TERT: variants seen among roughly 807,000 people sequenced by gnomAD.
The protein encoded by TERT is telomerase catalytic subunit.
TERT carries 42 observed loss-of-function variants against 104.0 expected under a neutral mutation model. The observed-to-expected ratio is 0.40, with a 90% CI of 0.32 to 0.52. The LOEUF (loss-of-function observed/expected upper bound fraction) is 0.52, where lower values mean the gene tolerates loss of function less well. Among genes scored for constraint, TERT ranks in the 20% least tolerant of loss-of-function variants. TERT has a pLI of 0.43. For missense variants in TERT, 1,101 were observed against 1,610.3 expected, an observed-to-expected ratio of 0.68 and a Z score of 5.41; for synonymous variants, 781 against 725.6, an observed-to-expected ratio of 1.08 and a Z score of -1.23.
In TERT at chr5:1,253,821, C is replaced by T; in HGVS notation, c.3306G>A (p.Gln1102=). 6.2e-7 allele frequency: 1 copy of T among 1,609,886 alleles called. No individual in the cohort carries two copies. Among genetic ancestry groups the T allele is most frequent in the African/African-American group, 1.3e-5 (1 of 75,052 alleles). The change falls in exon 16 of 16, where the codon CAG becomes CAA. Residue 1102 remains glutamine, a synonymous_variant. Transcript: ENST00000310581. Reference sequence around the variant, plus strand: ...TCGTCCCCGGGAGCTTCCGACTCAGCTGCGTCTGGGCTGCGGGGCCAAAAT... The same window carrying T: ...TCGTCCCCGGGAGCTTCCGACTCAGTTGCGTCTGGGCTGCGGGGCCAAAAT... ...LLGSLRTAQT[Q]LSRKLPGTTL...
intron 2 of TERT, among the ~76,000 whole-genome samples, chr5:1,284,376 G>T (rs868102262): frequency 7.5e-5 from 11 of 145,866 alleles, no homozygotes; most frequent in African/African-American, 2.3e-4. Flanking sequence ...GCTCACCGAG[G>T]GCCTGGAGAC....
At position 1,268,525 on chromosome 5, in the gene TERT, C is replaced by G. The variant is rs1554039723; in HGVS notation, c.2577G>C (p.Arg859=). 1.9e-6 allele frequency: 3 copies of G among 1,613,418 alleles called. No homozygotes were observed. The highest frequency in any genetic ancestry group is 2.5e-6 in the Non-Finnish European group (3 of 1,179,934). ...TGGGGAAGAGGAGGCCTCACCCGTC[C>G]CGCCGAATCCCCGCAAACAGCTTGT... ...MENKLFAGIR[R]DGLLLRLVDD... The change falls in exon 9 of 16, where the codon CGG becomes CGC. Residue 859 remains arginine, a synonymous_variant. Transcript: ENST00000310581. This position sits in a 1 kb window ranked among gnomAD's most constrained non-coding sequence, Gnocchi z 5.5.
Position 1,294,159 on chromosome 5 carries a change from C to A in TERT, c.727G>T (p.Ala243Ser). Residue 243 changes from alanine (A) to serine (S), a missense_variant, in exon 2 of 16, where the codon GCC becomes TCC. Physicochemically the swap from Ala to Ser is moderately conservative, Grantham distance 99. This residue lies in a region of TERT where 504 missense variants were observed against 544.6 expected (regional missense o/e 0.93). Coordinates refer to ENST00000310581, the MANE Select transcript of TERT (RefSeq NM_198253.3). ...PLPKRPRRGA[A>S]PEPERTPVGQ... ...ACGGGCGTCCGCTCCGGCTCAGGGG[C>A]AGCGCCACGCCTGGGCCTCTTGGGC... 6.3e-7 allele frequency: 1 copy of A among 1,580,860 alleles called. No homozygotes were observed. Among genetic ancestry groups the A allele is most frequent in the Non-Finnish European group, 8.6e-7 (1 of 1,166,736 alleles).
rs568497227 is a variant in TERT, at chr5:1,270,542, G to A, written c.2468+577C>T. ...CGTGAGTGTGGCTCACCCAGTGGCT[G>A]TGTGACGGCAGCTCTCCCAGGCCGC... is the stretch of plus-strand genomic sequence containing the variant. On this transcript the variant is annotated intron_variant, in intron 8 of 15. Transcript: ENST00000310581. The surrounding 1 kb of genome is among the most constrained non-coding windows in gnomAD (Gnocchi z 8.3). Among the ~76,000 whole-genome samples, 241 of 152,338 alleles carry A rather than the reference G, an allele frequency of 1.6e-3. 1 individual carries two copies. Among genetic ancestry groups the A allele is most frequent in the African/African-American group, 5.3e-3 (219 of 41,580 alleles).
Position 1,274,799 on chromosome 5 carries a change from T to C in TERT, c.2287-2519A>G, listed in dbSNP as rs375586004. Reference sequence around the variant, plus strand: ...GAGGGAAAACGGCAACTTCAGATGCTTGTTTAGAAAAGAAAGTTCAAACAT... The same window carrying C: ...GAGGGAAAACGGCAACTTCAGATGCCTGTTTAGAAAAGAAAGTTCAAACAT... On this transcript the variant is annotated intron_variant, in intron 6 of 15. Coordinates refer to ENST00000310581, the MANE Select transcript of TERT (RefSeq NM_198253.3). This position sits in a 1 kb window ranked among gnomAD's most constrained non-coding sequence, Gnocchi z 5.3. Among the ~76,000 whole-genome samples the C allele has an allele frequency of 6.6e-6, 1 of 152,258 alleles. No homozygotes were observed. The highest frequency in any genetic ancestry group is 2.4e-5 in the African/African-American group (1 of 41,468).
intron 3 of TERT, among the ~76,000 whole-genome samples, chr5:1,280,962 C>T (rs1326661634): frequency 1.3e-5 from 2 of 152,220 alleles, no homozygotes; most frequent in Non-Finnish European, 2.9e-5. Flanking sequence ...GACACTGGGG[C>T]CGCGGGTGCT....
rs2126693715 is a variant in TERT, at chr5:1,295,051, C to T, written c.-62G>A. ...CAGCAGGACGCAGCGCTGCCTGAAA[C>T]TCGCGCCGCGAGGAGAGGGCGGGGC... On this transcript the variant is annotated 5_prime_UTR_variant, in exon 1 of 16. Coordinates refer to ENST00000310581, the MANE Select transcript of TERT (RefSeq NM_198253.3). 5.1e-6 allele frequency: 6 copies of T among 1,170,916 alleles called. No individual in the cohort carries two copies. The highest frequency in any genetic ancestry group is 6.5e-6 in the Non-Finnish European group (6 of 924,862). 72.5% of individuals were successfully genotyped at this position (1,170,916 alleles called of 1,614,324 possible).
At position 1,253,351 on chromosome 5, in the gene TERT, G is replaced by C. The variant is rs1747463349; in HGVS notation, c.*377C>G. 4.7e-6 allele frequency: 2 copies of C among 421,626 alleles called. No individual in the cohort carries two copies. Among genetic ancestry groups the C allele is most frequent in the Non-Finnish European group, 8.8e-6 (2 of 227,402 alleles). 26.1% of individuals were successfully genotyped at this position (421,626 alleles called of 1,614,324 possible). On this transcript the variant is annotated 3_prime_UTR_variant, in exon 16 of 16. Coordinates refer to ENST00000310581, the MANE Select transcript of TERT (RefSeq NM_198253.3). ...CTCAGGGTCTCCACCTGGATGGTGG[G>C]GGTGGAAGGCAAAGGAGGGCAGGGC...
Position 1,258,605 on chromosome 5 carries a change from C to T in TERT, c.3025G>A (p.Ala1009Thr). The T allele has an allele frequency of 6.4e-7, 1 of 1,568,594 alleles. No homozygotes were observed. Among genetic ancestry groups the T allele is most frequent in the Non-Finnish European group, 8.7e-7 (1 of 1,156,030 alleles). ...TNIYKILLLQ[A>T]YRFHACVLQL... Reference sequence around the variant, plus strand: ...CCCTTGGTGGCGGCTCACCTGTACGCCTGCAGCAGGAGGATCTTGTAGATG... The same window carrying T: ...CCCTTGGTGGCGGCTCACCTGTACGTCTGCAGCAGGAGGATCTTGTAGATG... Residue 1009 changes from alanine to threonine, a missense_variant, in exon 13 of 16, where the codon GCG (alanine) becomes ACG (threonine). Transcript: ENST00000310581.
Position 1,268,614 on chromosome 5 carries a change from CCTGGCA to C in TERT, c.2482_2487del (p.Cys828_Gln829del). On this transcript the variant is annotated inframe_deletion, in exon 9 of 16. Transcript: ENST00000310581. The surrounding 1 kb of genome is among the most constrained non-coding windows in gnomAD (Gnocchi z 5.5). Reference sequence around the variant, plus strand: ...GAGAGGATGGAGCCCTGCGGGATCCCCTGGCACTGGACGTAGGACCTGGGGCGGGAA... The same window carrying C: ...GAGAGGATGGAGCCCTGCGGGATCCCCTGGACGTAGGACCTGGGGCGGGAA... 2 of 1,612,816 alleles carry C rather than the reference CCTGGCA, an allele frequency of 1.2e-6. No homozygotes were observed. Among genetic ancestry groups the C allele is most frequent in the Non-Finnish European group, 1.7e-6 (2 of 1,179,630 alleles).
At chr5:1,259,268 A>AG (rs1579548995) in intron 12 of TERT, among the ~76,000 whole-genome samples, 2 of 131,090 alleles carry the variant, frequency 1.5e-5, no homozygotes, top group African/African-American at 5.9e-5. Flanking sequence ...TGCCCACAGG[A>AG]GAGGGAGTGG....
chr5:1,270,055 G>A lies in TERT; in HGVS notation c.2468+1064C>T, dbSNP rs369628334. On this transcript the variant is annotated intron_variant, in intron 8 of 15. Coordinates refer to ENST00000310581, the MANE Select transcript of TERT (RefSeq NM_198253.3). This position sits in a 1 kb window ranked among gnomAD's most constrained non-coding sequence, Gnocchi z 8.3. ...GGAGGCCCGTGGTGGCTTCTCTGGG[G>A]AGGTGACTTTGTCAGCGAATTCTGT... Among the ~76,000 whole-genome samples the A allele has an allele frequency of 5.9e-4, 90 of 152,284 alleles. 1 individual carries two copies. The highest frequency in any genetic ancestry group is 2.0e-3 in the African/African-American group (82 of 41,558).
At position 1,274,901 on chromosome 5, in the gene TERT, T is replaced by C. The variant is rs185028594; in HGVS notation, c.2287-2621A>G. Reference sequence around the variant, plus strand: ...GCCTAAAGGAAATGGAAGGAGGCCATCGATAAACAGCAGACACCAATTACG... The same window carrying C: ...GCCTAAAGGAAATGGAAGGAGGCCACCGATAAACAGCAGACACCAATTACG... On this transcript the variant is annotated intron_variant, in intron 6 of 15. Coordinates refer to ENST00000310581, the MANE Select transcript of TERT (RefSeq NM_198253.3). This position sits in a 1 kb window ranked among gnomAD's most constrained non-coding sequence, Gnocchi z 5.3. 1.9e-3 allele frequency among the ~76,000 whole-genome samples: 287 copies of C among 152,272 alleles called. No individual in the cohort carries two copies. Among genetic ancestry groups the C allele is most frequent in the Middle Eastern group, 0.01 (3 of 294 alleles).
At chr5:1,266,787 G>A (rs1014319117) in intron 9 of TERT, among the ~76,000 whole-genome samples, 4 of 152,202 alleles carry the variant, frequency 2.6e-5, no homozygotes, top group Non-Finnish European at 4.4e-5. Context: ...AGCTGAAGAC[G>A]AACGAAGGCC....
At position 1,293,437 on chromosome 5, in the gene TERT, G is replaced by A. The variant is rs761174773; in HGVS notation, c.1449C>T (p.Asn483=). Residue 483 remains asparagine, a synonymous_variant, in exon 2 of 16, where the codon AAC becomes AAT. Transcript: ENST00000310581. ...TGGTGTTCCTGAGGAAGCGGCGTTC[G>A]TTGTGCCTGGAGCCCCAGAGGCCTG... The part of the protein sequence containing the change: ...VPPGLWGSRH[N]ERRFLRNTKK... 36 of 1,611,790 alleles carry A rather than the reference G, an allele frequency of 2.2e-5. No individual in the cohort carries two copies. In the Admixed American group the frequency reaches 5.7e-4, roughly 25 times the overall value.
chr5:1,271,343 T>C, intron 7 of TERT, 139 bp from the exon 8 acceptor site: 1 of 725,018 alleles, frequency 1.4e-6, no homozygotes, highest in South Asian at 1.5e-5. Flanking sequence ...TGCAGGGCCA[T>C]CGTGGGCTGG....
At chr5:1,293,072 G>A (rs556926862) in intron 2 of TERT, among the ~76,000 whole-genome samples, 25 of 152,314 alleles carry the variant, frequency 1.6e-4, no homozygotes, top group East Asian at 1.5e-3. Flanking sequence ...CTCTGGCCTC[G>A]GCGCCTGGAA....
At position 1,286,271 on chromosome 5, in the gene TERT, G is replaced by T. The variant is rs1169633816; in HGVS notation, c.1574-3647C>A. Among the ~76,000 whole-genome samples, 1 of 152,210 alleles carries T rather than the reference G, an allele frequency of 6.6e-6. No individual in the cohort carries two copies. Among genetic ancestry groups the T allele is most frequent in the Non-Finnish European group, 1.5e-5 (1 of 68,044 alleles). On this transcript the variant is annotated intron_variant, in intron 2 of 15. Transcript: ENST00000310581. The surrounding 1 kb of genome is among the most constrained non-coding windows in gnomAD (Gnocchi z 5.3). ...TGCCATGGAGGCCAGCACAGGTAAA[G>T]CTGGGGTTTACCAGCAATAACAAGA...
At chr5:1,275,543 GA>G (rs1203657187) in intron 6 of TERT, among the ~76,000 whole-genome samples, 1 of 151,972 alleles carries the variant, frequency 6.6e-6, no homozygotes, top group East Asian at 1.9e-4. Flanking sequence ...CACGACCCCA[GA>G]GTGGAAGAAA....
Sources: gnomAD v4.1 joint callset for allele counts (sites outside exome capture counted in the v4.1 genomes callset) on GRCh38, gnomAD v4.1.1 for gene constraint, gnomAD v4.1.1 regional missense constraint, Gnocchi (gnomAD v3.1) non-coding constraint, MANE v1.5 for transcripts, NCBI Gene and HGNC (gene_info 2026-07-23, HGNC 2026-07-21) for gene names.